Variants in USB1 observed in about 807,000 individuals in gnomAD.
USB1 encodes the protein U6 snRNA biogenesis phosphodiesterase 1, also known as U6 snRNA phosphodiesterase 1.
Under a neutral mutation model 29.9 loss-of-function variants are expected in USB1, and 21 were observed. The observed-to-expected ratio is 0.70, with a 90% CI of 0.50 to 1.01. The LOEUF is 1.01. Among genes scored for constraint, USB1 ranks in the 50% least tolerant of loss-of-function variants. The pLI is 0.00. For missense variants in USB1, 330 were observed against 347.1 expected, an observed-to-expected ratio of 0.95 and a Z score of 0.39; for synonymous variants, 143 against 134.9, an observed-to-expected ratio of 1.06 and a Z score of -0.42.
At chr16:58,018,533 C>A in intron 5 of USB1, among the ~76,000 whole-genome samples, 1 of 152,064 alleles carries the variant, frequency 6.6e-6, no homozygotes, top group Middle Eastern at 3.4e-3. Context: ...CAAGCGTGGT[C>A]GGTTTCTGGT....
In USB1 at chr16:58,020,349, C is replaced by G; in HGVS notation, c.*104C>G. 9.2e-7 allele frequency: 1 copy of G among 1,084,472 alleles called. No homozygotes were observed. The highest frequency in any genetic ancestry group is 1.4e-6 in the Non-Finnish European group (1 of 718,938). The allele number at this position is 1,084,472 out of a possible 1,614,324, so 67.2% of individuals were successfully genotyped here. ...CTTCTAGCCTCCCAGTAGGAGGCCC[C>G]AGCCATGCCTTCAACCTGGCAGGAG... On this transcript the variant is annotated 3_prime_UTR_variant, in exon 7 of 7. Transcript: ENST00000219281.
At chr16:58,017,526 C>T (rs369085256) in intron 5 of USB1, 87 bp downstream of exon 5, 11 of 1,251,444 alleles carry the variant, frequency 8.8e-6, no homozygotes, top group African/African-American at 7.4e-5. Context: ...AGAGGCAAAC[C>T]GAAGACCCTT....
intron 2 of USB1, among the ~76,000 whole-genome samples, chr16:58,007,100 T>A (rs933170627): frequency 1.3e-5 from 2 of 152,242 alleles, no homozygotes; most frequent in Non-Finnish European, 2.9e-5. Context: ...CTTTATATGT[T>A]GTTGTATTCA....
intron 4 of USB1, chr16:58,016,512 G>A (rs527289697): frequency 6.5e-6 from 1 of 153,940 alleles, no homozygotes; most frequent in Admixed American, 6.4e-5. Flanking sequence ...GCCTCCTGGA[G>A]AGTGCAGATG....
At chr16:58,017,223 G>A in intron 4 of USB1, 111 bp from the exon 5 acceptor site, 1 of 911,350 alleles carries the variant, frequency 1.1e-6, no homozygotes, top group Non-Finnish European at 1.8e-6. Context: ...GGGAGACGGT[G>A]AGACCCACGG....
At chr16:58,020,048 C>G in intron 6 of USB1, 93 bp from the exon 7 acceptor site, 1 of 1,226,980 alleles carries the variant, frequency 8.2e-7, no homozygotes, top group Non-Finnish European at 1.2e-6. Context: ...CTCGCCCAGC[C>G]TCTGAAGTTG....
chr16:58,015,759 G>A (rs1005831963), intron 4 of USB1: 2 of 152,142 alleles, frequency 1.3e-5, no homozygotes, highest in South Asian at 4.1e-4. Context: ...GCCTTGGGAA[G>A]AGCTGTTGCA....
At chr16:58,010,184 G>C (rs559769855) in intron 3 of USB1, 72 bp downstream of exon 3, 3 of 1,582,744 alleles carry the variant, frequency 1.9e-6, no homozygotes, top group Non-Finnish European at 2.6e-6. Flanking sequence ...GAGCTACTGC[G>C]GGCATTACCC....
In USB1 at chr16:58,002,484, A is replaced by C. The variant is rs762585706; in HGVS notation, c.104A>C (p.Gln35Pro). 2 of 1,614,026 alleles carry C rather than the reference A, an allele frequency of 1.2e-6. No homozygotes were observed. The highest frequency in any genetic ancestry group is 1.7e-6 in the Non-Finnish European group (2 of 1,180,042). The part of the protein sequence containing the change: ...RPGDGSHRRG[Q>P]SPLPRQRFPV... Reference sequence around the variant, plus strand: ...TTTCTTTTTTTCTTTTGCAGTGGCCAGAGCCCCCTTCCCAGGCAGAGATTT... The same window carrying C: ...TTTCTTTTTTTCTTTTGCAGTGGCCCGAGCCCCCTTCCCAGGCAGAGATTT... The change falls in exon 2 of 7, where the codon CAG (glutamine) becomes CCG (proline). Residue 35 changes from glutamine (Q) to proline (P), a missense_variant. Gln to Pro is a moderately conservative substitution (Grantham distance 76). Transcript: ENST00000219281.
In USB1 at chr16:58,020,530, C is replaced by G; in HGVS notation, c.*285C>G. The G allele has an allele frequency of 6.5e-6, 3 of 461,266 alleles. No homozygotes were observed. Among genetic ancestry groups the G allele is most frequent in the South Asian group, 2.2e-5 (1 of 46,366 alleles). 28.6% of individuals were successfully genotyped at this position (461,266 alleles called of 1,614,324 possible). A position where few individuals can be genotyped will look rare whatever the true frequency, so the allele number is the denominator to read the frequency against. On this transcript the variant is annotated 3_prime_UTR_variant, in exon 7 of 7. Coordinates refer to ENST00000219281, the MANE Select transcript of USB1 (RefSeq NM_024598.4). ...TTCCTCTCCTCTCTCTCTTCCTCTTCTCTCTCTTCCCCTCCTGTCTCTCCT... is the reference window on the plus strand; with the variant it reads ...TTCCTCTCCTCTCTCTCTTCCTCTTGTCTCTCTTCCCCTCCTGTCTCTCCT...
chr16:58,008,798 TCTAAGCAC>T (rs1233603573), intron 2 of USB1, among the ~76,000 whole-genome samples: 1 of 152,244 alleles, frequency 6.6e-6, no homozygotes, highest in East Asian at 1.9e-4. Flanking sequence ...TAAATATTCT[TCTAAGCAC>T]CTTTTGCTGC....
At position 58,020,574 on chromosome 16, in the gene USB1, C is replaced by CCT. The variant is rs553004572; in HGVS notation, c.*336_*337dup. ...CTCTCCTCCCCTCCTCTCTTCCTCT[C>CCT]CTCTCTCTTCCTCTCCTCTCTCTAC... On this transcript the variant is annotated 3_prime_UTR_variant, in exon 7 of 7. Coordinates refer to ENST00000219281, the MANE Select transcript of USB1 (RefSeq NM_024598.4). 2.2e-5 allele frequency: 8 copies of CCT among 368,692 alleles called. No individual in the cohort carries two copies. Among genetic ancestry groups the CCT allele is most frequent in the South Asian group, 1.4e-4 (6 of 44,054 alleles). 22.8% of individuals were successfully genotyped at this position (368,692 alleles called of 1,614,324 possible). A position where few individuals can be genotyped will look rare whatever the true frequency, so the allele number is the denominator to read the frequency against.
At chr16:58,012,642 T>G in intron 3 of USB1, 1 of 1,289,256 alleles carries the variant, frequency 7.8e-7, no homozygotes, top group Non-Finnish European at 9.9e-7. Context: ...CCGTCTCCTG[T>G]GTGCTTTCTT....
chr16:58,007,757 C>T (rs368994821), intron 2 of USB1, among the ~76,000 whole-genome samples: 13 of 152,080 alleles, frequency 8.5e-5, no homozygotes, highest in South Asian at 2.1e-4. Flanking sequence ...GAGGCCAACA[C>T]GGGCAGATTG....
chr16:58,020,126 G>C lies in USB1; in HGVS notation c.694-15G>C, dbSNP rs769693185. Reference sequence around the variant, plus strand: ...CCCCTTAATGTGACTGTCCTCCCCTGGCTGCTGTTTTAAGGCAATCGTGGA... The same window carrying C: ...CCCCTTAATGTGACTGTCCTCCCCTCGCTGCTGTTTTAAGGCAATCGTGGA... On this transcript the variant is annotated splice_polypyrimidine_tract_variant and intron_variant, in intron 6 of 6. Coordinates refer to ENST00000219281, the MANE Select transcript of USB1 (RefSeq NM_024598.4). 3 of 1,613,830 alleles carry C rather than the reference G, an allele frequency of 1.9e-6. No homozygotes were observed. The Admixed American group carries it at 5.0e-5, about 27-fold the overall frequency.
rs1026820419 is a variant in USB1 at position 58,020,893 on chromosome 16, C to T, written c.*648C>T. On this transcript the variant is annotated 3_prime_UTR_variant, in exon 7 of 7. Transcript: ENST00000219281. ...CCTAATGCTTACTCTGGTTGTTACA[C>T]AAAGAAAATATTGGGGTCACTGGCG... The T allele has an allele frequency of 6.3e-6, 1 of 159,860 alleles. No individual in the cohort carries two copies. Among genetic ancestry groups the T allele is most frequent in the African/African-American group, 2.4e-5 (1 of 41,460 alleles). The allele number at this position is 159,860 out of a possible 1,614,324, so 9.9% of individuals were successfully genotyped here. A position where few individuals can be genotyped will look rare whatever the true frequency, so the allele number is the denominator to read the frequency against.
intron 2 of USB1, among the ~76,000 whole-genome samples, chr16:58,006,952 T>C (rs1721396318): frequency 2.6e-5 from 4 of 152,252 alleles, no homozygotes; most frequent in Admixed American, 6.5e-5. Context: ...CAAATACTTT[T>C]TCTGTATTTA....
At chr16:58,017,246 G>C (rs1813137594) in intron 4 of USB1, 88 bp from the exon 5 acceptor site, 8 of 1,217,818 alleles carry the variant, frequency 6.6e-6, no homozygotes, top group Non-Finnish European at 9.7e-6. Context: ...CAGGCCTCTT[G>C]GCCTTCTGCC....
At chr16:58,009,378 A>C (rs527362573) in intron 2 of USB1, among the ~76,000 whole-genome samples, 1 of 152,280 alleles carries the variant, frequency 6.6e-6, no homozygotes, top group African/African-American at 2.4e-5. Context: ...AAACACTTTC[A>C]GGTTAGGCTG....
Sources: gnomAD v4.1 joint callset for allele counts (sites outside exome capture counted in the v4.1 genomes callset) on GRCh38, gnomAD v4.1.1 for gene constraint, MANE v1.5 for transcripts, NCBI Gene and HGNC (gene_info 2026-07-23, HGNC 2026-07-21) for gene names.